The following PRRG1 variants were observed in gnomAD, a reference collection of about 807,000 sequenced individuals.
PRRG1 encodes transmembrane gamma-carboxyglutamic acid protein 1.
A neutral mutation model predicts 11.8 loss-of-function variants in PRRG1; 5 were observed. The observed-to-expected ratio is 0.42, with a 90% confidence interval of 0.22 to 0.89. PRRG1 has a LOEUF of 0.89. Among genes scored for constraint, PRRG1 ranks in the 40% least tolerant of loss-of-function variants. The pLI is 0.28. For synonymous variants in PRRG1, 66 were observed against 60.4 expected (o/e 1.09, Z -0.43); for missense variants, 155 against 166.1 (o/e 0.93, Z 0.37).
intron 1 of PRRG1, among the ~76,000 whole-genome samples, chrX:37,363,948 A>C (rs1335320622): frequency 8.9e-6 from 1 of 111,814 alleles, no homozygotes; most frequent in African/African-American, 3.2e-5. Context: ...CTTAAAGTAA[A>C]CTGTCTAAAA....
chrX:37,382,890 GT>G (rs1406165760), intron 1 of PRRG1, among the ~76,000 whole-genome samples: 2 of 110,430 alleles, frequency 1.8e-5, no homozygotes, highest in Non-Finnish European at 1.9e-5. Context: ...TCATTTTCTA[GT>G]TTGTGGACTT....
At chrX:37,358,672 A>G (rs1312869886) in intron 1 of PRRG1, among the ~76,000 whole-genome samples, 1 of 111,301 alleles carries the variant, frequency 9.0e-6, no homozygotes, top group African/African-American at 3.3e-5. Context: ...GTTCTACAAT[A>G]TTGTCTTGGC....
At chrX:37,350,581 G>A (rs1930028319) in intron 1 of PRRG1, among the ~76,000 whole-genome samples, 1 of 111,441 alleles carries the variant, frequency 9.0e-6, no homozygotes, top group African/African-American at 3.3e-5. Context: ...TTGTAATATT[G>A]GATAAAGCTC....
At chrX:37,381,962 G>T (rs1931166732) in intron 1 of PRRG1, among the ~76,000 whole-genome samples, 1 of 111,489 alleles carries the variant, frequency 9.0e-6, no homozygotes, top group African/African-American at 3.3e-5. Context: ...AACAAAGTGT[G>T]CACAGATTAT....
intron 3 of PRRG1, among the ~76,000 whole-genome samples, chrX:37,450,832 A>G (rs1323966860): frequency 1.8e-5 from 2 of 112,008 alleles, no homozygotes; most frequent in East Asian, 2.8e-4. Context: ...TTGATTCCAA[A>G]TTTGTAAAAG....
chrX:37,368,117 A>G (rs1930639206), intron 1 of PRRG1, among the ~76,000 whole-genome samples: 1 of 111,958 alleles, frequency 8.9e-6, no homozygotes, highest in South Asian at 3.8e-4. Context: ...CTTTCCTGGT[A>G]AGTACATCAC....
At chrX:37,433,714 T>G (rs782012409) in intron 3 of PRRG1, among the ~76,000 whole-genome samples, 1 of 112,552 alleles carries the variant, frequency 8.9e-6, no homozygotes, top group South Asian at 3.7e-4. Flanking sequence ...AAGTATTTGA[T>G]GGATGAATGA....
At chrX:37,354,476 T>C (rs1930174561) in intron 1 of PRRG1, among the ~76,000 whole-genome samples, 1 of 108,259 alleles carries the variant, frequency 9.2e-6, no homozygotes, top group African/African-American at 3.4e-5. Flanking sequence ...CACTGCAAGC[T>C]CTGCCTCCTG....
chrX:37,419,546 C>T (rs890837277), intron 2 of PRRG1, among the ~76,000 whole-genome samples: 4 of 111,430 alleles, frequency 3.6e-5, no homozygotes, highest in Non-Finnish European at 5.7e-5. Context: ...TAAGATTCTA[C>T]GGGGTATATT....
chrX:37,384,171 A>G (rs782403610), intron 1 of PRRG1, among the ~76,000 whole-genome samples: 19 of 111,578 alleles, frequency 1.7e-4, no homozygotes, highest in African/African-American at 5.9e-4. Flanking sequence ...TACAAGTGAT[A>G]TACTTTCCCG....
At chrX:37,385,414 A>G (rs112568533) in intron 1 of PRRG1, among the ~76,000 whole-genome samples, 10,347 of 109,877 alleles carry the variant, frequency 0.094, 1,196 homozygotes, top group African/African-American at 0.32. Context: ...ACCTGGGTGG[A>G]CTCACTTTGT....
At chrX:37,402,090 C>G (rs1481192662) in intron 1 of PRRG1, among the ~76,000 whole-genome samples, 2 of 111,549 alleles carry the variant, frequency 1.8e-5, no homozygotes, top group Non-Finnish European at 3.8e-5. Context: ...AATGCCATCC[C>G]CATCAAGCTG....
chrX:37,433,302 C>G (rs1932851494), intron 3 of PRRG1, among the ~76,000 whole-genome samples: 1 of 112,000 alleles, frequency 8.9e-6, no homozygotes, highest in African/African-American at 3.2e-5. Flanking sequence ...TTCTTTACCA[C>G]ATCTCCTATG....
chrX:37,383,137 A>C (rs1179380148), intron 1 of PRRG1, among the ~76,000 whole-genome samples: 2 of 112,147 alleles, frequency 1.8e-5, no homozygotes, highest in Non-Finnish European at 3.8e-5. Context: ...AGGAAAAGAT[A>C]CTAGTTTGCA....
chrX:37,372,249 T>C (rs1032558361), intron 1 of PRRG1, among the ~76,000 whole-genome samples: 3 of 112,312 alleles, frequency 2.7e-5, no homozygotes, highest in Non-Finnish European at 5.6e-5. Context: ...TATATACTTG[T>C]AGACTGTTTG....
intron 2 of PRRG1, among the ~76,000 whole-genome samples, chrX:37,409,528 C>A (rs1932297084): frequency 8.9e-6 from 1 of 112,459 alleles, no homozygotes; most frequent in South Asian, 3.7e-4. Context: ...TTTACAAATA[C>A]AGAAGCTTGT....
chrX:37,388,717 G>C (rs1206997523), intron 1 of PRRG1, among the ~76,000 whole-genome samples: 2 of 113,029 alleles, frequency 1.8e-5, no homozygotes, highest in African/African-American at 6.4e-5. Context: ...CTGCCATGAA[G>C]ATCTCTGAAA....
intron 1 of PRRG1, among the ~76,000 whole-genome samples, chrX:37,396,192 A>G (rs1331782795): frequency 3.5e-5 from 4 of 112,723 alleles, no homozygotes; most frequent in Non-Finnish European, 7.5e-5. Flanking sequence ...TATGAACAAT[A>G]TAAAGATCAA....
At chrX:37,418,607 TA>T (rs1361666758) in intron 2 of PRRG1, among the ~76,000 whole-genome samples, 1 of 112,025 alleles carries the variant, frequency 8.9e-6, no homozygotes, top group Admixed American at 9.5e-5. Context: ...TAAATTAGAT[TA>T]TATAATTTAC....
Sources: allele counts gnomAD v4.1 joint callset (sites outside exome capture counted in the v4.1 genomes callset), GRCh38; gene constraint gnomAD v4.1.1; transcripts MANE v1.5; gene names NCBI Gene and HGNC (gene_info 2026-07-23, HGNC 2026-07-21).